The following NR2C2AP variants were observed in gnomAD, a reference collection of about 807,000 sequenced individuals.
NR2C2AP encodes nuclear receptor 2C2-associated protein.
NR2C2AP carries 13 observed loss-of-function variants against 19.1 expected under a neutral mutation model. The ratio of observed to expected loss-of-function variants is 0.68; its 90% CI spans 0.44 to 1.08. The LOEUF (loss-of-function observed/expected upper bound fraction) is 1.08. Ranked by LOEUF, NR2C2AP falls within the 50% of genes least tolerant of loss-of-function variation. The pLI is 0.00. For missense variants in NR2C2AP, 181 were observed against 172.7 expected (o/e 1.05, Z -0.27); for synonymous variants, 81 against 64.4 (o/e 1.26, Z -1.23).
intron 2 of NR2C2AP, 57 bp downstream of exon 2, chr19:19,202,734 G>T (rs547347829): frequency 2.0e-6 from 3 of 1,530,274 alleles, no homozygotes; most frequent in Non-Finnish European, 2.7e-6. Flanking sequence ...CGTTCTCAAG[G>T]CATGAGATCT....
Position 19,202,794 on chromosome 19 carries a change from G to T in NR2C2AP, c.126C>A (p.Asp42Glu). The T allele has an allele frequency of 6.2e-7, 1 of 1,613,478 alleles. No homozygotes were observed. The highest frequency in any genetic ancestry group is 8.5e-7 in the Non-Finnish European group (1 of 1,179,666). The change falls in exon 2 of 5, where the codon GAC becomes GAA. Residue 42 changes from aspartate to glutamate, a missense_variant. Coordinates refer to ENST00000331552, the MANE Select transcript of NR2C2AP (RefSeq NM_176880.6). Reference sequence around the variant, plus strand: ...AGGGTCGAGGGAGGCGCCTCACCTGGTCTGAGTTCCAACATGTCTCCTCAT... The same window carrying T: ...AGGGTCGAGGGAGGCGCCTCACCTGTTCTGAGTTCCAACATGTCTCCTCAT... ...DQDEETCWNSDQGPSQWVTLE... is the reference protein window; with the variant it reads ...DQDEETCWNSEQGPSQWVTLE...
rs747368670 is a variant in NR2C2AP at position 19,203,066 on chromosome 19, T to C, written c.-6A>G. ...CAAACCAAAGAGTGGGTCATGTCGG[T>C]TCCACAAGACCTCGCAGGGCTTAGG... On this transcript the variant is annotated 5_prime_UTR_variant, in exon 1 of 5. Coordinates refer to ENST00000331552, the MANE Select transcript of NR2C2AP (RefSeq NM_176880.6). 1 of 1,613,966 alleles carries C rather than the reference T, an allele frequency of 6.2e-7. No individual in the cohort carries two copies. The highest frequency in any genetic ancestry group is 1.1e-5 in the South Asian group (1 of 91,076).
Position 19,203,159 on chromosome 19 carries a change from G to C in NR2C2AP, c.-99C>G, listed in dbSNP as rs371983043. On this transcript the variant is annotated 5_prime_UTR_variant, in exon 1 of 5. Coordinates refer to ENST00000331552, the MANE Select transcript of NR2C2AP (RefSeq NM_176880.6). ...TACAGGGCGGCGCGATCTTGGCTACGCCTTGGCCTGAACGTCCTCACCTGT... is the reference window on the plus strand; with the variant it reads ...TACAGGGCGGCGCGATCTTGGCTACCCCTTGGCCTGAACGTCCTCACCTGT... 7.1e-6 allele frequency: 9 copies of C among 1,276,134 alleles called. No individual in the cohort carries two copies. The East Asian group carries it at 2.0e-4, about 28-fold the overall frequency. The allele number at this position is 1,276,134 out of a possible 1,614,324, so 79.1% of individuals were successfully genotyped here. A position where few individuals can be genotyped will look rare whatever the true frequency, so the allele number is the denominator to read the frequency against.
intron 2 of NR2C2AP, 40 bp downstream of exon 2, chr19:19,202,751 G>A (rs987615159): frequency 1.3e-6 from 2 of 1,569,636 alleles, no homozygotes; most frequent in Admixed American, 1.7e-5. Flanking sequence ...ATCTGAATCT[G>A]AATCACCCTA....
rs200263189 is a variant in NR2C2AP at position 19,201,732 on chromosome 19, G to A, written c.*193C>T. 4.8e-5 allele frequency: 78 copies of A among 1,613,700 alleles called. 1 individual carries two copies. Among genetic ancestry groups the A allele is most frequent in the Non-Finnish European group, 6.2e-5 (73 of 1,179,948 alleles). On this transcript the variant is annotated 3_prime_UTR_variant, in exon 5 of 5. Transcript: ENST00000331552. ...TGACCCTGAGTGAAGGCCGCCTGCC[G>A]GGGACTCAGACACTCAGGGAACAAA...
chr19:19,201,560 T>TC lies in NR2C2AP; in HGVS notation c.*364dup. ...AGGTCTCTGCAAGGGTCCCTGTTTG[T>TC]CCCCTAAGGGGAGAGCGCAGGTTGG... On this transcript the variant is annotated 3_prime_UTR_variant, in exon 5 of 5. Coordinates refer to ENST00000331552, the MANE Select transcript of NR2C2AP (RefSeq NM_176880.6). 6.2e-7 allele frequency: 1 copy of TC among 1,608,402 alleles called. No homozygotes were observed. The highest frequency in any genetic ancestry group is 8.5e-7 in the Non-Finnish European group (1 of 1,179,872).
In NR2C2AP at chr19:19,202,895, G is replaced by T. The variant is rs1182377494; in HGVS notation, c.39-14C>A. 5.6e-6 allele frequency: 9 copies of T among 1,612,820 alleles called. No individual in the cohort carries two copies. The South Asian group carries it at 7.7e-5, about 14-fold the overall frequency. ...ACTGAACTCACCCTGGAGGCACCAGGATCAAGGCGAAGAGAGGGGCTGAGA... is the reference window on the plus strand; with the variant it reads ...ACTGAACTCACCCTGGAGGCACCAGTATCAAGGCGAAGAGAGGGGCTGAGA... On this transcript the variant is annotated splice_polypyrimidine_tract_variant and intron_variant, in intron 1 of 4. Transcript: ENST00000331552.
intron 1 of NR2C2AP, 51 bp downstream of exon 1, chr19:19,202,972 C>A (rs1260791944): frequency 6.2e-7 from 1 of 1,612,500 alleles, no homozygotes; most frequent in Non-Finnish European, 8.5e-7. Flanking sequence ...CCACTGAGGG[C>A]TCGACCCCAG....
At chr19:19,202,975 G>T in intron 1 of NR2C2AP, 48 bp downstream of exon 1, 1 of 1,612,604 alleles carries the variant, frequency 6.2e-7, no homozygotes, top group Non-Finnish European at 8.5e-7. Context: ...CTGAGGGCTC[G>T]ACCCCAGGCT....
Position 19,203,342 on chromosome 19 carries a change from G to A in NR2C2AP, c.-282C>T. ...AAACAGATTTCCCGCGGGTTTCGGGGGCGGTGGCTTTTTGTGCGAGGCTGT... is the reference window on the plus strand; with the variant it reads ...AAACAGATTTCCCGCGGGTTTCGGGAGCGGTGGCTTTTTGTGCGAGGCTGT... On this transcript the variant is annotated 5_prime_UTR_variant, in exon 1 of 5. Coordinates refer to ENST00000331552, the MANE Select transcript of NR2C2AP (RefSeq NM_176880.6). 1.8e-6 allele frequency: 1 copy of A among 543,180 alleles called. No homozygotes were observed. The highest frequency in any genetic ancestry group is 2.1e-5 in the South Asian group (1 of 47,454). The allele number at this position is 543,180 out of a possible 1,614,324, so 33.6% of individuals were successfully genotyped here. A position where few individuals can be genotyped will look rare whatever the true frequency, so the allele number is the denominator to read the frequency against.
Position 19,202,851 on chromosome 19 carries a change from C to T in NR2C2AP, c.69G>A (p.Arg23=). Residue 23 remains arginine, a synonymous_variant, in exon 2 of 5, where the codon CGG becomes CGA. Coordinates refer to ENST00000331552, the MANE Select transcript of NR2C2AP (RefSeq NM_176880.6). The part of the protein sequence containing the change: ...RVSSVLNRNT[R]QFGKKHLFDQ... ...CGAAAAGATGTTTTTTTCCAAACTG[C>T]CGAGTGTTGCGATTCAGCACTGAAC... 1.9e-6 allele frequency: 3 copies of T among 1,613,730 alleles called. No homozygotes were observed. The highest frequency in any genetic ancestry group is 2.5e-6 in the Non-Finnish European group (3 of 1,180,016).
chr19:19,202,730 C>T, intron 2 of NR2C2AP, 61 bp downstream of exon 2: 25 of 1,537,496 alleles, frequency 1.6e-5, no homozygotes, highest in Non-Finnish European at 2.2e-5. Flanking sequence ...CTGACGTTCT[C>T]AAGGCATGAG....
intron 1 of NR2C2AP, 47 bp from the exon 2 acceptor site, chr19:19,202,928 T>C: frequency 6.2e-7 from 1 of 1,609,384 alleles, no homozygotes; most frequent in Non-Finnish European, 8.5e-7. Context: ...AGACCAGCTC[T>C]CAGCTCCGCG....
rs897034581 is a variant in NR2C2AP, at chr19:19,201,558, T to G, written c.*367A>C. The G allele has an allele frequency of 6.2e-7, 1 of 1,608,072 alleles. No homozygotes were observed. Among genetic ancestry groups the G allele is most frequent in the East Asian group, 2.2e-5 (1 of 44,888 alleles). ...GCAGGTCTCTGCAAGGGTCCCTGTT[T>G]GTCCCCTAAGGGGAGAGCGCAGGTT... On this transcript the variant is annotated 3_prime_UTR_variant, in exon 5 of 5. Coordinates refer to ENST00000331552, the MANE Select transcript of NR2C2AP (RefSeq NM_176880.6).
intron 3 of NR2C2AP, 34 bp from the exon 4 acceptor site, chr19:19,202,432 G>A: frequency 1.2e-6 from 2 of 1,612,318 alleles, no homozygotes; most frequent in Non-Finnish European, 1.7e-6. Flanking sequence ...TGTCTGGGGT[G>A]ACCCCTGGAA....
intron 2 of NR2C2AP, 89 bp from the exon 3 acceptor site, chr19:19,202,664 G>A (rs983895159): frequency 2.8e-6 from 4 of 1,411,582 alleles, no homozygotes; most frequent in African/African-American, 2.8e-5. Flanking sequence ...TCTTGGAATG[G>A]AGGGGAAGAA....
chr19:19,201,813 A>T lies in NR2C2AP; in HGVS notation c.*112T>A. On this transcript the variant is annotated 3_prime_UTR_variant, in exon 5 of 5. Coordinates refer to ENST00000331552, the MANE Select transcript of NR2C2AP (RefSeq NM_176880.6). Reference sequence around the variant, plus strand: ...CTGACTTCAAAGGCAGCTTCTGGACAGGTGGTGGGAGGGGACCCTTCCCAA... The same window carrying T: ...CTGACTTCAAAGGCAGCTTCTGGACTGGTGGTGGGAGGGGACCCTTCCCAA... 1 of 1,612,240 alleles carries T rather than the reference A, an allele frequency of 6.2e-7. No individual in the cohort carries two copies.
chr19:19,202,907 G>T (rs1306787339), intron 1 of NR2C2AP, 26 bp from the exon 2 acceptor site: 1 of 1,610,002 alleles, frequency 6.2e-7, no homozygotes, highest in Non-Finnish European at 8.5e-7. Context: ...TCAAGGCGAA[G>T]AGAGGGGCTG....
Position 19,202,379 on chromosome 19 carries a change from A to G in NR2C2AP, c.255T>C (p.Ala85=), listed in dbSNP as rs1443684130. The G allele has an allele frequency of 2.5e-6, 4 of 1,614,014 alleles. No homozygotes were observed. In the Admixed American group the frequency reaches 5.0e-5, roughly 20 times the overall value. ...GGTAGAAATCTACAATCTTGTGGAG[A>G]GCCTGAGTGCCCTGTGAACCTTCAG... is the stretch of plus-strand genomic sequence containing the variant. ...GCLEGSQGTQ[A]LHKIVDFYPE... Residue 85 remains alanine, a synonymous_variant, in exon 4 of 5, where the codon GCT becomes GCC. Transcript: ENST00000331552.
Sources: allele counts gnomAD v4.1 joint callset, GRCh38; gene constraint gnomAD v4.1.1; transcripts MANE v1.5; gene names NCBI Gene and HGNC (gene_info 2026-07-23, HGNC 2026-07-21).